The following PRKCA variants were observed in gnomAD, a reference collection of about 807,000 sequenced individuals.
The protein encoded by PRKCA is protein kinase C alpha.
In PRKCA, 27 loss-of-function variants were observed where a neutral mutation model predicts 87.0. The observed-to-expected ratio is 0.31, with a 90% CI of 0.23 to 0.43. The LOEUF is 0.43. Among genes scored for constraint, PRKCA ranks in the 20% least tolerant of loss-of-function variants. The pLI is 1.00. For synonymous variants in PRKCA, 329 were observed against 311.1 expected (o/e 1.06, Z -0.61); for missense variants, 518 against 852.3 (o/e 0.61, Z 4.88).
At chr17:66,504,414 G>A (rs1252107555) in intron 3 of PRKCA, among the ~76,000 whole-genome samples, 1 of 152,082 alleles carries the variant, frequency 6.6e-6, no homozygotes, top group African/African-American at 2.4e-5. Context: ...CCAACATGGT[G>A]AAACCCCATC....
At chr17:66,418,582 G>A (rs943606503) in intron 2 of PRKCA, among the ~76,000 whole-genome samples, 1 of 151,422 alleles carries the variant, frequency 6.6e-6, no homozygotes, top group Non-Finnish European at 1.5e-5. Flanking sequence ...ACTTACAGGT[G>A]CATGTCACCA....
At chr17:66,680,573 A>G (rs1209553806) in intron 5 of PRKCA, among the ~76,000 whole-genome samples, 1 of 152,198 alleles carries the variant, frequency 6.6e-6, no homozygotes, top group Non-Finnish European at 1.5e-5. Context: ...GCATTACTAA[A>G]CAGTGTCTCT....
intron 3 of PRKCA, among the ~76,000 whole-genome samples, chr17:66,561,780 C>G (rs1968685734): frequency 6.6e-6 from 1 of 151,966 alleles, no homozygotes; most frequent in African/African-American, 2.4e-5. Flanking sequence ...ACCCTGAAGA[C>G]TTTCTGCTAA....
At chr17:66,361,232 A>G (rs1908370007) in intron 2 of PRKCA, among the ~76,000 whole-genome samples, 1 of 151,860 alleles carries the variant, frequency 6.6e-6, no homozygotes, top group Non-Finnish European at 1.5e-5. Context: ...ATTGTGAATC[A>G]TCCTTTTTCG....
intron 3 of PRKCA, among the ~76,000 whole-genome samples, chr17:66,608,143 C>T (rs1256840318): frequency 2.0e-5 from 3 of 151,354 alleles, no homozygotes; most frequent in East Asian, 1.9e-4. Flanking sequence ...TGGAGCACAC[C>T]GATTGGAGCA....
chr17:66,680,648 A>AG (rs1356938103), intron 5 of PRKCA, among the ~76,000 whole-genome samples: 1 of 152,184 alleles, frequency 6.6e-6, no homozygotes, highest in Non-Finnish European at 1.5e-5. Flanking sequence ...TCTGGTCCTC[A>AG]GGCAACAGGG....
At chr17:66,710,142 C>T (rs1446744235) in intron 8 of PRKCA, among the ~76,000 whole-genome samples, 1 of 152,086 alleles carries the variant, frequency 6.6e-6, no homozygotes, top group African/African-American at 2.4e-5. Flanking sequence ...TGATTCTAGG[C>T]CTTTCACTAT....
At chr17:66,756,124 A>G (rs1974542392) in intron 13 of PRKCA, among the ~76,000 whole-genome samples, 1 of 152,204 alleles carries the variant, frequency 6.6e-6, no homozygotes, top group Admixed American at 6.5e-5. Context: ...GGGTCCTCAC[A>G]GTGAATGCTG....
At chr17:66,479,504 G>A (rs891123235) in intron 2 of PRKCA, among the ~76,000 whole-genome samples, 2 of 152,132 alleles carry the variant, frequency 1.3e-5, no homozygotes, top group Non-Finnish European at 2.9e-5. Context: ...CCATGGCTAG[G>A]TATATACCCA....
chr17:66,788,895 C>T lies in PRKCA; in HGVS notation c.1770C>T (p.Asp590=), dbSNP rs768123818. The T allele has an allele frequency of 6.8e-6, 11 of 1,613,940 alleles. No homozygotes were observed. The highest frequency in any genetic ancestry group is 4.5e-5 in the East Asian group (2 of 44,878). The change falls in exon 16 of 17, where the codon GAC becomes GAT. Residue 590 remains aspartate, a synonymous_variant. Coordinates refer to ENST00000413366, the MANE Select transcript of PRKCA (RefSeq NM_002737.3). Reference sequence around the variant, plus strand: ...GCTGTGGGCCTGAGGGGGAGAGGGACGTGAGAGAGCATGCCTTCTTCCGGA... The same window carrying T: ...GCTGTGGGCCTGAGGGGGAGAGGGATGTGAGAGAGCATGCCTTCTTCCGGA... ...RLGCGPEGER[D]VREHAFFRRI...
chr17:66,755,464 A>G (rs1250226286), intron 13 of PRKCA, among the ~76,000 whole-genome samples: 1 of 152,192 alleles, frequency 6.6e-6, no homozygotes, highest in Non-Finnish European at 1.5e-5. Flanking sequence ...AAAGCCCAGG[A>G]GACCGCTGAA....
Position 66,496,249 on chromosome 17 carries a change from C to A in PRKCA, c.254C>A (p.Ser85Tyr). 6.2e-7 allele frequency: 1 copy of A among 1,614,042 alleles called. No individual in the cohort carries two copies. The highest frequency in any genetic ancestry group is 8.5e-7 in the Non-Finnish European group (1 of 1,179,952). ...AGGTGCCATGAATTTGTTACTTTTT[C>A]TTGTCCGGGTGCGGATAAGGGACCC... ...HKRCHEFVTF[S>Y]CPGADKGPDT... is the part of the protein sequence containing the mutation. The change falls in exon 3 of 17, where the codon TCT becomes TAT. Residue 85 changes from serine to tyrosine, a missense_variant. Physicochemically the swap from Ser to Tyr is moderately radical, Grantham distance 144. Transcript: ENST00000413366.
At chr17:66,408,526 C>T (rs998243511) in intron 2 of PRKCA, among the ~76,000 whole-genome samples, 5 of 152,190 alleles carry the variant, frequency 3.3e-5, no homozygotes, top group South Asian at 2.1e-4. Context: ...TATATGTTTG[C>T]GTGTGCTTGT....
intron 2 of PRKCA, among the ~76,000 whole-genome samples, chr17:66,374,774 C>G (rs1909326553): frequency 7.3e-6 from 1 of 136,286 alleles, no homozygotes; most frequent in African/African-American, 2.8e-5. Flanking sequence ...GTCGTCCAGG[C>G]TGGAGCACAG....
At chr17:66,625,782 G>GT (rs1454842447) in intron 3 of PRKCA, among the ~76,000 whole-genome samples, 1 of 152,132 alleles carries the variant, frequency 6.6e-6, no homozygotes, top group Non-Finnish European at 1.5e-5. Flanking sequence ...GGTCAGGCCC[G>GT]TTAATTGAGT....
chr17:66,306,988 T>C (rs1246321917), intron 2 of PRKCA, among the ~76,000 whole-genome samples: 6 of 152,146 alleles, frequency 3.9e-5, no homozygotes, highest in Non-Finnish European at 7.4e-5. Flanking sequence ...CTGGAAAATA[T>C]TATCCTAACA....
At chr17:66,467,975 A>G (rs1915160668) in intron 2 of PRKCA, among the ~76,000 whole-genome samples, 2 of 151,966 alleles carry the variant, frequency 1.3e-5, no homozygotes, top group Non-Finnish European at 1.5e-5. Flanking sequence ...TGATAGTTCC[A>G]CTTTCCTCGT....
intron 3 of PRKCA, among the ~76,000 whole-genome samples, chr17:66,543,959 C>T (rs568200702): frequency 6.6e-6 from 1 of 152,276 alleles, no homozygotes; most frequent in African/African-American, 2.4e-5. Flanking sequence ...CGCCTGTAAT[C>T]CCAGCACTTT....
intron 3 of PRKCA, among the ~76,000 whole-genome samples, chr17:66,589,113 T>A (rs1055061193): frequency 6.6e-6 from 1 of 152,134 alleles, no homozygotes; most frequent in Non-Finnish European, 1.5e-5. Context: ...GGTCATGGGA[T>A]CTTAAGTTCT....
Sources: gnomAD v4.1 joint callset for allele counts (sites outside exome capture counted in the v4.1 genomes callset) on GRCh38, gnomAD v4.1.1 for gene constraint, MANE v1.5 for transcripts, NCBI Gene and HGNC (gene_info 2026-07-23, HGNC 2026-07-21) for gene names.